Variants in DLGAP1 observed in about 807,000 individuals in gnomAD.
The protein encoded by DLGAP1 is DLG associated protein 1.
DLGAP1 carries 11 observed loss-of-function variants against 90.8 expected under a neutral mutation model. The ratio of observed to expected loss-of-function variants is 0.12; its 90% CI spans 0.08 to 0.20. The LOEUF (loss-of-function observed/expected upper bound fraction) is 0.20. Ranked by LOEUF, DLGAP1 falls within the 10% of genes least tolerant of loss-of-function variation. The pLI, the probability that DLGAP1 is intolerant of heterozygous loss-of-function variation, is 1.00. For synonymous variants in DLGAP1, 558 were observed against 540.7 expected (o/e 1.03, Z -0.44); for missense variants, 1,050 against 1,333.8 (o/e 0.79, Z 3.31).
At chr18:4,268,687 A>G (rs1209371443) in intron 1 of DLGAP1, among the ~76,000 whole-genome samples, 3 of 152,222 alleles carry the variant, frequency 2.0e-5, no homozygotes, top group African/African-American at 7.2e-5. Context: ...CATATTAAAT[A>G]TAGAAACTAT....
intron 7 of DLGAP1, among the ~76,000 whole-genome samples, chr18:3,619,734 GTTTTTTCCTTT>G (rs1354150880): frequency 1.1e-5 from 1 of 92,700 alleles, no homozygotes; most frequent in East Asian, 4.0e-4. Flanking sequence ...TGCTCTTTTA[GTTTTTTCCTTT>G]TTTTTTTTTT....
At chr18:3,544,281 T>C (rs1379888114) in intron 9 of DLGAP1, among the ~76,000 whole-genome samples, 1 of 151,998 alleles carries the variant, frequency 6.6e-6, no homozygotes, top group African/African-American at 2.4e-5. Context: ...CCCAGGTACT[T>C]GGGAGGCTGA....
chr18:4,268,216 A>T (rs2079173247), intron 1 of DLGAP1, among the ~76,000 whole-genome samples: 1 of 152,226 alleles, frequency 6.6e-6, no homozygotes, highest in African/African-American at 2.4e-5. Context: ...GAAAGAAACA[A>T]GTACAATTCC....
intron 5 of DLGAP1, among the ~76,000 whole-genome samples, chr18:3,758,003 C>T (rs901785912): frequency 6.6e-6 from 1 of 151,336 alleles, no homozygotes; most frequent in African/African-American, 2.4e-5. Flanking sequence ...GTAATCCTAG[C>T]TACTCGGGAG....
chr18:4,402,807 C>T (rs1182034074), intron 1 of DLGAP1, among the ~76,000 whole-genome samples: 4 of 152,112 alleles, frequency 2.6e-5, no homozygotes, highest in Non-Finnish European at 4.4e-5. Context: ...ATTTTTTTCA[C>T]CACATCTCTC....
intron 3 of DLGAP1, among the ~76,000 whole-genome samples, chr18:3,973,497 A>G (rs2072080192): frequency 6.6e-6 from 1 of 152,120 alleles, no homozygotes; most frequent in African/African-American, 2.4e-5. Flanking sequence ...GGTGGAGTAT[A>G]TGGTTCCTGC....
At chr18:4,174,704 G>T (rs1179027957) in intron 1 of DLGAP1, among the ~76,000 whole-genome samples, 4 of 152,118 alleles carry the variant, frequency 2.6e-5, no homozygotes, top group Admixed American at 1.3e-4. Context: ...TGTTACATAG[G>T]TATACACGTG....
intron 1 of DLGAP1, among the ~76,000 whole-genome samples, chr18:4,395,569 C>A (rs980965650): frequency 2.6e-5 from 4 of 152,128 alleles, no homozygotes; most frequent in Non-Finnish European, 5.9e-5. Flanking sequence ...TGTAAAGATT[C>A]ATTAACATGG....
intron 1 of DLGAP1, among the ~76,000 whole-genome samples, chr18:4,166,028 A>G (rs1214593462): frequency 6.6e-6 from 1 of 152,068 alleles, no homozygotes; most frequent in East Asian, 1.9e-4. Flanking sequence ...GCATGGTGGC[A>G]TGTGCCTGCA....
chr18:3,499,504 AGTTCT>A lies in DLGAP1; in HGVS notation c.2725-115_2725-111del. The stretch of plus-strand genomic sequence containing the variant: ...CACAGTTTTTTACCTAGGGGTGGTT[AGTTCT>A]GATCTGCACACTGCATATCTACTTT... On this transcript the variant is annotated intron_variant, in intron 12 of 12. Transcript: ENST00000315677. This position sits in a 1 kb window ranked among gnomAD's most constrained non-coding sequence, Gnocchi z 6.4. The A allele has an allele frequency of 8.9e-7, 1 of 1,122,812 alleles. No homozygotes were observed. Among genetic ancestry groups the A allele is most frequent in the Non-Finnish European group, 1.3e-6 (1 of 788,504 alleles). 69.6% of individuals were successfully genotyped at this position (1,122,812 alleles called of 1,614,324 possible).
At chr18:3,983,409 T>C (rs2073778196) in intron 3 of DLGAP1, 1 of 152,228 alleles carries the variant, frequency 6.6e-6, no homozygotes, top group African/African-American at 2.4e-5. Flanking sequence ...TATGTGTCAG[T>C]ATCTGCTTTT....
intron 1 of DLGAP1, among the ~76,000 whole-genome samples, chr18:4,334,379 ATGGG>A (rs1274248819): frequency 6.6e-6 from 1 of 151,862 alleles, no homozygotes; most frequent in African/African-American, 2.4e-5. Context: ...GTCAAAAGAA[ATGGG>A]ATAACTCAAC....
chr18:3,560,010 C>G (rs2053984501), intron 9 of DLGAP1, among the ~76,000 whole-genome samples: 1 of 152,080 alleles, frequency 6.6e-6, no homozygotes, highest in Non-Finnish European at 1.5e-5. Context: ...ACCACTTGTT[C>G]CTTGTATCAT....
intron 3 of DLGAP1, among the ~76,000 whole-genome samples, chr18:3,897,393 C>T (rs1356417493): frequency 6.6e-6 from 1 of 152,186 alleles, no homozygotes; most frequent in Non-Finnish European, 1.5e-5. Flanking sequence ...AAAGAGCTAA[C>T]ATTCATGTAT....
Position 4,062,862 on chromosome 18 carries a change from T to C in DLGAP1, c.-158-57661A>G, listed in dbSNP as rs998784814. The stretch of plus-strand genomic sequence containing the variant: ...CTGTTTCTTACTGTGAACCAACCAG[T>C]GATCACTGGCTACAGCTTAGAAGAA... On this transcript the variant is annotated intron_variant, in intron 2 of 12. Coordinates refer to ENST00000315677, the MANE Select transcript of DLGAP1 (RefSeq NM_004746.4). Among the ~76,000 whole-genome samples the C allele has an allele frequency of 4.6e-5, 7 of 152,092 alleles. 1 individual carries two copies. Among genetic ancestry groups the C allele is most frequent in the African/African-American group, 1.7e-4 (7 of 41,432 alleles).
chr18:3,883,832 AC>A (rs924195253), intron 3 of DLGAP1, among the ~76,000 whole-genome samples: 1 of 152,132 alleles, frequency 6.6e-6, no homozygotes, highest in African/African-American at 2.4e-5. Flanking sequence ...ACTCCTTCTG[AC>A]CTATATACCT....
chr18:3,835,033 C>T (rs577708837), intron 4 of DLGAP1, among the ~76,000 whole-genome samples: 1 of 152,288 alleles, frequency 6.6e-6, no homozygotes, highest in African/African-American at 2.4e-5. Context: ...TTTTCCATTT[C>T]TTCAGCTTCA....
rs141663282 is a variant in DLGAP1, at chr18:3,729,354, C to G, written c.1372G>C (p.Gly458Arg). The change falls in exon 7 of 13, where the codon GGG (glycine) becomes CGG (arginine). Residue 458 changes from glycine (G) to arginine (R), a missense_variant. Around this residue, in one of 2 missense-constraint regions of DLGAP1, gnomAD observed 565 missense variants for 879.7 expected, o/e 0.64. Coordinates refer to ENST00000315677, the MANE Select transcript of DLGAP1 (RefSeq NM_004746.4). This position sits in a 1 kb window ranked among gnomAD's most constrained non-coding sequence, Gnocchi z 6.2. The stretch of plus-strand genomic sequence containing the variant: ...GACTCGCACACGGACTCGAACTGCC[C>G]GTTCACTTCCATCTCGCTCACCTGC... ...ISQVSEMEVN[G>R]QFESVCESVF... 4 of 1,613,114 alleles carry G rather than the reference C, an allele frequency of 2.5e-6. No individual in the cohort carries two copies. In the African/African-American group the frequency reaches 5.3e-5, roughly 22 times the overall value.
chr18:4,331,118 T>C (rs1186344761), intron 1 of DLGAP1, among the ~76,000 whole-genome samples: 1 of 151,886 alleles, frequency 6.6e-6, no homozygotes, highest in Non-Finnish European at 1.5e-5. Flanking sequence ...ATATTCCTTG[T>C]CTAAGATCTA....
Sources: allele counts gnomAD v4.1 joint callset (sites outside exome capture counted in the v4.1 genomes callset), GRCh38; gene constraint gnomAD v4.1.1; regional missense constraint gnomAD v4.1.1; non-coding constraint Gnocchi (gnomAD v3.1); transcripts MANE v1.5; gene names NCBI Gene and HGNC (gene_info 2026-07-23, HGNC 2026-07-21).